Variants in ACSM6 observed in about 807,000 individuals in gnomAD.
ACSM6 encodes the protein acyl-CoA synthetase medium chain family member 6, also known as acyl-coenzyme A synthetase ACSM6, mitochondrial.
ACSM6 carries 35 observed loss-of-function variants against 51.1 expected under a neutral mutation model. The observed-to-expected ratio is 0.69, with a 90% CI of 0.52 to 0.91. The LOEUF (loss-of-function observed/expected upper bound fraction) is 0.91. Among genes scored for constraint, ACSM6 ranks in the 40% least tolerant of loss-of-function variants. The probability of loss-of-function intolerance (pLI) is 0.00; values close to 1 mark genes in which losing one functional copy is unlikely to be tolerated. For missense variants in ACSM6, 509 were observed against 584.1 expected (o/e 0.87, Z 1.32); for synonymous variants, 172 against 207.3 (o/e 0.83, Z 1.46).
At chr10:95,200,807 TG>T (rs2034787528) in intron 2 of ACSM6, among the ~76,000 whole-genome samples, 1 of 138,234 alleles carries the variant, frequency 7.2e-6, no homozygotes, top group Non-Finnish European at 1.6e-5. Context: ...AGGCGAGAGA[TG>T]GGGGAAAGAG....
At chr10:95,194,661 G>C in exon 2 of ACSM6, 1 of 1,551,806 alleles carries the variant, frequency 6.4e-7, no homozygotes, top group Non-Finnish European at 8.7e-7. Flanking sequence ...TTGGATCAGT[G>C]GTCCCAGCTG....
chr10:95,219,622 G>C (rs960510737), intron 8 of ACSM6, among the ~76,000 whole-genome samples: 4 of 152,060 alleles, frequency 2.6e-5, no homozygotes, highest in Non-Finnish European at 5.9e-5. Flanking sequence ...AAAAAACTGA[G>C]TTGTTGGTTC....
intron 9 of ACSM6, among the ~76,000 whole-genome samples, chr10:95,223,196 C>T (rs959141415): frequency 4.0e-5 from 6 of 148,834 alleles, no homozygotes; most frequent in Non-Finnish European, 9.0e-5. Flanking sequence ...ACACACTTCC[C>T]ACAAAGAAAA....
At chr10:95,226,206 C>G (rs934696363) in intron 10 of ACSM6, 2 of 152,258 alleles carry the variant, frequency 1.3e-5, no homozygotes, top group African/African-American at 2.4e-5. Context: ...ATATCCTATT[C>G]TCCAATTAAC....
At chr10:95,210,113 T>A (rs1274884668) in intron 4 of ACSM6, among the ~76,000 whole-genome samples, 2 of 152,258 alleles carry the variant, frequency 1.3e-5, no homozygotes, top group African/African-American at 2.4e-5. Flanking sequence ...GTTTTCATTA[T>A]TTAAAAACAT....
At chr10:95,208,850 C>T (rs867829107) in intron 4 of ACSM6, among the ~76,000 whole-genome samples, 108 of 139,954 alleles carry the variant, frequency 7.7e-4, no homozygotes, top group African/African-American at 2.1e-3. Flanking sequence ...ACATCCCCCA[C>T]GGATAAGGCA....
At chr10:95,197,781 C>T (rs1020187032) in intron 2 of ACSM6, among the ~76,000 whole-genome samples, 3 of 152,162 alleles carry the variant, frequency 2.0e-5, no homozygotes, top group Non-Finnish European at 2.9e-5. Context: ...TTACGGGTGT[C>T]GGGCTGGGGG....
intron 9 of ACSM6, 110 bp downstream of exon 9, chr10:95,220,081 T>G: frequency 2.5e-6 from 2 of 790,380 alleles, no homozygotes; most frequent in Non-Finnish European, 4.2e-6. Flanking sequence ...CACCATTCTC[T>G]AAATTCACCC....
intron 3 of ACSM6, among the ~76,000 whole-genome samples, chr10:95,205,349 G>C (rs2034830634): frequency 6.6e-6 from 1 of 152,064 alleles, no homozygotes; most frequent in African/African-American, 2.4e-5. Context: ...TCTGGAGGCT[G>C]GGAAGTCCAA....
At chr10:95,206,445 G>A (rs563905672) in intron 3 of ACSM6, among the ~76,000 whole-genome samples, 291 of 152,160 alleles carry the variant, frequency 1.9e-3, no homozygotes, top group Non-Finnish European at 2.5e-3. Flanking sequence ...GGGCTATTAC[G>A]AACAATGACA....
chr10:95,198,301 T>C (rs1347772577), intron 2 of ACSM6, among the ~76,000 whole-genome samples: 1 of 151,946 alleles, frequency 6.6e-6, no homozygotes, highest in African/African-American at 2.4e-5. Context: ...CTAAAGGTGC[T>C]TGAGTGATGT....
At chr10:95,212,989 T>G (rs747905997) in intron 7 of ACSM6, 49 bp downstream of exon 7, 1 of 1,466,576 alleles carries the variant, frequency 6.8e-7, no homozygotes, top group Non-Finnish European at 9.6e-7. Flanking sequence ...CATGGTACCA[T>G]AAATAAAATT....
At chr10:95,220,506 C>A (rs1254840969) in intron 9 of ACSM6, among the ~76,000 whole-genome samples, 1 of 152,108 alleles carries the variant, frequency 6.6e-6, no homozygotes, top group Non-Finnish European at 1.5e-5. Context: ...AAAGCAGACT[C>A]AAATTAGCAG....
intron 3 of ACSM6, among the ~76,000 whole-genome samples, chr10:95,202,660 A>ACAC (rs1217629322): frequency 1.3e-5 from 2 of 152,136 alleles, no homozygotes; most frequent in Non-Finnish European, 2.9e-5. Flanking sequence ...GCAGTGGCTC[A>ACAC]CACCTGTAAT....
chr10:95,212,940 G>C lies in ACSM6; in HGVS notation c.995G>C (p.Ser332Thr), dbSNP rs750661627. 3 of 1,602,622 alleles carry C rather than the reference G, an allele frequency of 1.9e-6. No individual in the cohort carries two copies. The South Asian group carries it at 3.3e-5, about 18-fold the overall frequency. The change falls in exon 7 of 11, where the codon AGC (serine) becomes ACC (threonine). Residue 332 changes from serine (S) to threonine (T), a missense_variant and splice_region_variant. Transcript: ENST00000341686. ...CTGCTTCAGCACAAGTGTTTCACCA[G>C]GTAAGAGAGGATCCCTCAGGAGAGA... is the stretch of plus-strand genomic sequence containing the variant.
intron 5 of ACSM6, 151 bp from the exon 6 acceptor site, chr10:95,211,727 T>C (rs1797306938): frequency 5.4e-6 from 4 of 747,598 alleles, no homozygotes; most frequent in Non-Finnish European, 6.1e-6. Context: ...AGGAGTCCAT[T>C]GGCCTCATGA....
At chr10:95,212,185 G>A (rs1343800388) in intron 6 of ACSM6, 151 bp downstream of exon 6, 36 of 944,674 alleles carry the variant, frequency 3.8e-5, no homozygotes, top group Non-Finnish European at 5.2e-5. Flanking sequence ...GCTTGTGAGA[G>A]CAATGCTCTC....
intron 2 of ACSM6, among the ~76,000 whole-genome samples, chr10:95,196,790 G>C (rs916659572): frequency 1.3e-5 from 2 of 152,162 alleles, no homozygotes; most frequent in African/African-American, 4.8e-5. Context: ...ATATGATGTG[G>C]AAACTACCTT....
chr10:95,226,405 C>CA (rs970218774), intron 10 of ACSM6: 109 of 147,024 alleles, frequency 7.4e-4, no homozygotes, highest in African/African-American at 1.8e-3. Context: ...TCCATCTCTA[C>CA]AAAAAAAAAA....
Sources: allele counts gnomAD v4.1 joint callset (sites outside exome capture counted in the v4.1 genomes callset), GRCh38; gene constraint gnomAD v4.1.1; transcripts MANE v1.5; gene names NCBI Gene and HGNC (gene_info 2026-07-23, HGNC 2026-07-21).